ACBD6: variants seen among roughly 807,000 people sequenced by gnomAD.
ACBD6 encodes the protein acyl-CoA binding domain containing 6.
A neutral mutation model predicts 37.2 loss-of-function variants in ACBD6; 28 were observed. The ratio of observed to expected loss-of-function variants is 0.75; its 90% confidence interval spans 0.56 to 1.03. The LOEUF (loss-of-function observed/expected upper bound fraction) is 1.03. ACBD6 is among the 50% of genes least tolerant of loss of function. ACBD6 has a pLI of 0.00. For missense variants in ACBD6, 340 were observed against 337.4 expected, an observed-to-expected ratio of 1.01 and a Z score of -0.06; for synonymous variants, 113 against 126.8, an observed-to-expected ratio of 0.89 and a Z score of 0.73.
chr1:180,395,470 TTTTTTA>T lies in ACBD6; in HGVS notation c.663+2040_663+2045del, dbSNP rs1264646239. On this transcript the variant is annotated intron_variant, in intron 6 of 7. Transcript: ENST00000367595. ...TGGTAACACCAGTGTTGTGTGATTT[TTTTTTA>T]TTTTTATTTTTAGCTTTTTCCAGAA... Among the ~76,000 whole-genome samples the T allele has an allele frequency of 3.3e-5, 5 of 152,304 alleles. No individual in the cohort carries two copies. In the South Asian group the frequency reaches 6.2e-4, roughly 19 times the overall value.
At chr1:180,465,074 A>G (rs191259517) in intron 3 of ACBD6, among the ~76,000 whole-genome samples, 3 of 152,344 alleles carry the variant, frequency 2.0e-5, no homozygotes, top group Admixed American at 2.0e-4. Flanking sequence ...AAAACCATAA[A>G]AACCCTGGAA....
chr1:180,401,132 C>A, intron 5 of ACBD6, among the ~76,000 whole-genome samples: 1 of 152,010 alleles, frequency 6.6e-6, no homozygotes, highest in East Asian at 1.9e-4. Context: ...TGAGGGAGAG[C>A]CATTATTAAA....
At position 180,462,215 on chromosome 1, in the gene ACBD6, C is replaced by T. The variant is rs76370926; in HGVS notation, c.384+30054G>A. On this transcript the variant is annotated intron_variant, in intron 3 of 7. Coordinates refer to ENST00000367595, the MANE Select transcript of ACBD6 (RefSeq NM_032360.4). Reference sequence around the variant, plus strand: ...TCGTGCCATGGCACTCCAACCTGGACAACACAGTGAGACTCCGTCTCAAAA... The same window carrying T: ...TCGTGCCATGGCACTCCAACCTGGATAACACAGTGAGACTCCGTCTCAAAA... Among the ~76,000 whole-genome samples, 5 of 152,002 alleles carry T rather than the reference C, an allele frequency of 3.3e-5. 1 individual carries two copies. In the South Asian group the frequency reaches 1.0e-3, roughly 32 times the overall value.
At chr1:180,318,437 T>C (rs1650920921) in intron 6 of ACBD6, among the ~76,000 whole-genome samples, 1 of 152,142 alleles carries the variant, frequency 6.6e-6, no homozygotes, top group Non-Finnish European at 1.5e-5. Flanking sequence ...TATTGATTCC[T>C]ATATGCTTTT....
At chr1:180,472,118 T>G (rs1014704491) in intron 3 of ACBD6, among the ~76,000 whole-genome samples, 11 of 152,226 alleles carry the variant, frequency 7.2e-5, no homozygotes, top group Admixed American at 5.9e-4. Flanking sequence ...AGGCCAGACC[T>G]GAGGAGCTCC....
chr1:180,437,819 A>C (rs554209275), intron 3 of ACBD6, among the ~76,000 whole-genome samples: 1 of 152,210 alleles, frequency 6.6e-6, no homozygotes, highest in African/African-American at 2.4e-5. Context: ...CTTCTAGAGA[A>C]GGCCCTTTGA....
intron 5 of ACBD6, among the ~76,000 whole-genome samples, chr1:180,412,661 G>T (rs777585609): frequency 2.0e-5 from 3 of 151,884 alleles, no homozygotes; most frequent in Non-Finnish European, 4.4e-5. Context: ...AGGCCAGGAG[G>T]ACAAGACCAA....
At chr1:180,315,238 T>C (rs1650751872) in intron 6 of ACBD6, among the ~76,000 whole-genome samples, 1 of 152,184 alleles carries the variant, frequency 6.6e-6, no homozygotes. Flanking sequence ...TTTCAAAGCA[T>C]ACAAAGTCCC....
chr1:180,317,177 A>G (rs1650847714), intron 6 of ACBD6, among the ~76,000 whole-genome samples: 1 of 152,256 alleles, frequency 6.6e-6, no homozygotes, highest in Non-Finnish European at 1.5e-5. Flanking sequence ...TAAAGGGTGC[A>G]ACCCTATAAA....
chr1:180,371,542 G>A (rs537041201), intron 6 of ACBD6, among the ~76,000 whole-genome samples: 2 of 152,204 alleles, frequency 1.3e-5, no homozygotes, highest in East Asian at 3.9e-4. Flanking sequence ...TTCTGGAGTT[G>A]GGGCCTACTT....
At chr1:180,467,941 T>C (rs1650414212) in intron 3 of ACBD6, among the ~76,000 whole-genome samples, 1 of 152,182 alleles carries the variant, frequency 6.6e-6, no homozygotes, top group African/African-American at 2.4e-5. Flanking sequence ...GTTAGCTACT[T>C]AGCCCTAAAG....
chr1:180,445,939 C>G (rs551713904), intron 3 of ACBD6, among the ~76,000 whole-genome samples: 46 of 152,182 alleles, frequency 3.0e-4, no homozygotes, highest in Non-Finnish European at 5.4e-4. Context: ...CTTCTCCAAG[C>G]TATTTTGGAA....
At chr1:180,395,807 T>C (rs557658262) in intron 6 of ACBD6, among the ~76,000 whole-genome samples, 15 of 152,304 alleles carry the variant, frequency 9.8e-5, no homozygotes, top group Admixed American at 6.5e-4. Flanking sequence ...CTAGGGTATA[T>C]ACTCAAAAGA....
chr1:180,348,424 T>C (rs967249258), intron 6 of ACBD6, among the ~76,000 whole-genome samples: 7 of 152,156 alleles, frequency 4.6e-5, no homozygotes, highest in African/African-American at 7.2e-5. Flanking sequence ...AGAAGGCATG[T>C]TGAGGCAGGA....
chr1:180,311,694 T>C (rs1203071182), intron 7 of ACBD6, among the ~76,000 whole-genome samples: 1 of 152,172 alleles, frequency 6.6e-6, no homozygotes, highest in African/African-American at 2.4e-5. Context: ...GGGAGCTCTG[T>C]GTTCTTGGCT....
chr1:180,460,682 C>T (rs1650112419), intron 3 of ACBD6, among the ~76,000 whole-genome samples: 2 of 152,118 alleles, frequency 1.3e-5, no homozygotes, highest in South Asian at 4.2e-4. Context: ...ACCACAGCAG[C>T]CCTACAAAAA....
chr1:180,502,490 G>T lies in ACBD6; in HGVS notation c.-224C>A, dbSNP rs1652028331. 3.4e-6 allele frequency: 2 copies of T among 584,802 alleles called. No homozygotes were observed. Among genetic ancestry groups the T allele is most frequent in the African/African-American group, 3.8e-5 (2 of 53,292 alleles). The allele number at this position is 584,802 out of a possible 1,614,324, so 36.2% of individuals were successfully genotyped here. On this transcript the variant is annotated 5_prime_UTR_variant, in exon 1 of 8. Transcript: ENST00000367595. ...CGACCCTCTGCCGCTCTGCCCAGTC[G>T]ACCCGGTCTCCTCCGGCTTCCCTCC... is the stretch of plus-strand genomic sequence containing the variant.
intron 6 of ACBD6, among the ~76,000 whole-genome samples, chr1:180,316,407 A>T (rs554879299): frequency 2.9e-4 from 44 of 152,054 alleles, no homozygotes; most frequent in Non-Finnish European, 6.0e-4. Context: ...TTTAAATGTG[A>T]ATGTCCTGCA....
intron 6 of ACBD6, among the ~76,000 whole-genome samples, chr1:180,341,612 A>T (rs1651988918): frequency 6.6e-6 from 1 of 152,134 alleles, no homozygotes. Flanking sequence ...AGCAAAATTC[A>T]TGAAAGCGTT....
Sources: allele counts gnomAD v4.1 joint callset (sites outside exome capture counted in the v4.1 genomes callset), GRCh38; gene constraint gnomAD v4.1.1; transcripts MANE v1.5; gene names NCBI Gene and HGNC (gene_info 2026-07-23, HGNC 2026-07-21).